Variants in TENM3 observed in about 807,000 individuals in gnomAD.
The protein encoded by TENM3 is teneurin transmembrane protein 3.
In TENM3, 63 loss-of-function variants were observed where a neutral mutation model predicts 255.1. The observed-to-expected ratio is 0.25, with a 90% CI of 0.20 to 0.30. The LOEUF (loss-of-function observed/expected upper bound fraction) is 0.30. TENM3 is among the 10% of genes least tolerant of loss of function. The pLI is 1.00. For synonymous variants in TENM3, 1,306 were observed against 1,322.3 expected (o/e 0.99, Z 0.27); for missense variants, 2,929 against 3,461.1 (o/e 0.85, Z 3.86).
the TENM3 span, among the ~76,000 whole-genome samples, chr4:181,804,907 C>T: frequency 6.6e-6 from 1 of 152,230 alleles, no homozygotes; most frequent in East Asian, 1.9e-4. Flanking sequence ...TGAGAAAACT[C>T]CCGGTGCCTT....
chr4:181,873,682 T>C, the TENM3 span, among the ~76,000 whole-genome samples: 1 of 152,204 alleles, frequency 6.6e-6, no homozygotes. Context: ...ACAAGATCTA[T>C]CTTGGCAAAT....
the TENM3 span, among the ~76,000 whole-genome samples, chr4:181,862,237 A>T: frequency 1.3e-5 from 2 of 152,124 alleles, no homozygotes; most frequent in Non-Finnish European, 2.9e-5. Context: ...AAGCGCACAC[A>T]CACACACTTT....
intron 3 of TENM3, among the ~76,000 whole-genome samples, chr4:182,357,115 C>G (rs544649241): frequency 6.6e-6 from 1 of 152,068 alleles, no homozygotes; most frequent in Non-Finnish European, 1.5e-5. Flanking sequence ...TCCAGTCTAT[C>G]GTTGTTGGAC....
the TENM3 span, among the ~76,000 whole-genome samples, chr4:182,067,405 T>C: frequency 7.2e-5 from 11 of 152,160 alleles, no homozygotes; most frequent in Non-Finnish European, 1.3e-4. Flanking sequence ...CGGGGTTCAG[T>C]GCACCTGACT....
intron 3 of TENM3, among the ~76,000 whole-genome samples, chr4:182,471,960 A>G (rs923257280): frequency 3.3e-5 from 5 of 152,168 alleles, no homozygotes; most frequent in African/African-American, 9.7e-5. Flanking sequence ...ACTGTTTCCA[A>G]TTAGAATTTC....
intron 3 of TENM3, among the ~76,000 whole-genome samples, chr4:182,410,828 T>C (rs1202302407): frequency 6.6e-6 from 1 of 152,200 alleles, no homozygotes; most frequent in African/African-American, 2.4e-5. Context: ...TCATATTGAA[T>C]TACAAGTGAG....
chr4:181,657,163 G>T, the TENM3 span, among the ~76,000 whole-genome samples: 1 of 152,190 alleles, frequency 6.6e-6, no homozygotes. Context: ...GTGATCTTTA[G>T]ATTTGCTTCT....
At chr4:182,316,822 C>T (rs1416441909) in intron 1 of TENM3, among the ~76,000 whole-genome samples, 1 of 152,170 alleles carries the variant, frequency 6.6e-6, no homozygotes, top group Non-Finnish European at 1.5e-5. Context: ...ATTCTTACCA[C>T]CTGTTCTACG....
chr4:181,668,789 G>A, the TENM3 span, among the ~76,000 whole-genome samples: 16 of 152,120 alleles, frequency 1.1e-4, no homozygotes, highest in African/African-American at 3.1e-4. Flanking sequence ...CTACTCCTCC[G>A]CCTTTGCCCT....
At chr4:181,713,105 A>G in the TENM3 span, among the ~76,000 whole-genome samples, 1 of 152,352 alleles carries the variant, frequency 6.6e-6, no homozygotes, top group East Asian at 1.9e-4. Flanking sequence ...TTGTCCTCAC[A>G]TCTCATGGAC....
chr4:181,619,617 C>T, the TENM3 span, among the ~76,000 whole-genome samples: 7 of 151,830 alleles, frequency 4.6e-5, no homozygotes, highest in African/African-American at 1.2e-4. Flanking sequence ...TTTGTAGAGA[C>T]GGGGTCTCAC....
chr4:182,138,225 C>T, the TENM3 span, among the ~76,000 whole-genome samples: 1 of 152,132 alleles, frequency 6.6e-6, no homozygotes, highest in Non-Finnish European at 1.5e-5. Context: ...CAAAGTACAA[C>T]ATTATGGTAC....
chr4:181,592,049 G>A, the TENM3 span, among the ~76,000 whole-genome samples: 12,342 of 152,088 alleles, frequency 0.081, 781 homozygotes, highest in African/African-American at 0.17. Context: ...GCAGATTAGC[G>A]GTTGCCTAGG....
chr4:181,991,997 G>T, the TENM3 span, among the ~76,000 whole-genome samples: 1 of 152,142 alleles, frequency 6.6e-6, no homozygotes. Context: ...AAAACTGACT[G>T]CTAAACCTTT....
intron 1 of TENM3, among the ~76,000 whole-genome samples, chr4:182,256,174 G>A (rs984514164): frequency 1.6e-4 from 24 of 152,046 alleles, no homozygotes; most frequent in African/African-American, 5.3e-4. Flanking sequence ...AAATTATTTC[G>A]ACCCTAAAGT....
At chr4:182,788,981 T>C in intron 24 of TENM3, 112 bp from the exon 25 acceptor site, 1 of 998,088 alleles carries the variant, frequency 1.0e-6, no homozygotes, top group Non-Finnish European at 1.4e-6. Context: ...AGTTGCTAAG[T>C]TAATTTACTG....
In TENM3 at chr4:182,714,210, C is replaced by A; in HGVS notation, c.2345C>A (p.Thr782Lys). ...GACGTAGCCATGGAGACTCTTTGCA[C>A]AGATAGCAAGGACAATGAAGGAGGT... is the stretch of plus-strand genomic sequence containing the variant. ...GCDVAMETLCTDSKDNEGDGL... is the reference protein window; with the variant it reads ...GCDVAMETLCKDSKDNEGDGL... The change falls in exon 13 of 28, where the codon ACA becomes AAA. Residue 782 changes from threonine to lysine, a missense_variant. By Grantham distance (78) the Thr-to-Lys change is moderately conservative. Around this residue, in one of 6 missense-constraint regions of TENM3, gnomAD observed 1,608 missense variants for 1,884.4 expected, o/e 0.85. Transcript: ENST00000511685. 6.2e-7 allele frequency: 1 copy of A among 1,605,686 alleles called. No individual in the cohort carries two copies. The highest frequency in any genetic ancestry group is 2.2e-5 in the East Asian group (1 of 44,546).
At chr4:181,643,735 T>C in the TENM3 span, among the ~76,000 whole-genome samples, 2 of 152,236 alleles carry the variant, frequency 1.3e-5, no homozygotes, top group South Asian at 4.1e-4. Context: ...AGAATGTGCA[T>C]GAAATAAGGC....
At chr4:181,938,938 G>T in the TENM3 span, among the ~76,000 whole-genome samples, 1 of 152,246 alleles carries the variant, frequency 6.6e-6, no homozygotes, top group East Asian at 1.9e-4. Flanking sequence ...ATGGTACATT[G>T]TCCTAGTTTT....
Sources: gnomAD v4.1 joint callset for allele counts (sites outside exome capture counted in the v4.1 genomes callset) on GRCh38, gnomAD v4.1.1 for gene constraint, gnomAD v4.1.1 regional missense constraint, MANE v1.5 for transcripts, NCBI Gene and HGNC (gene_info 2026-07-23, HGNC 2026-07-21) for gene names.